SCUBE2: variants seen among roughly 807,000 people sequenced by gnomAD.
The protein encoded by SCUBE2 is signal peptide, CUB and EGF-like domain-containing protein 2.
In SCUBE2, 114 loss-of-function variants were observed where a neutral mutation model predicts 125.9. The observed-to-expected ratio is 0.91, with a 90% CI of 0.78 to 1.06. SCUBE2 has a LOEUF of 1.06. SCUBE2 is among the 50% of genes least tolerant of loss of function. The probability of loss-of-function intolerance (pLI) is 0.00; values close to 1 mark genes in which losing one functional copy is unlikely to be tolerated. For missense variants in SCUBE2, 1,255 were observed against 1,301.8 expected (o/e 0.96, Z 0.55); for synonymous variants, 459 against 492.9 (o/e 0.93, Z 0.91).
intron 9 of SCUBE2, among the ~76,000 whole-genome samples, chr11:9,058,760 G>A (rs1859371501): frequency 6.6e-6 from 1 of 151,998 alleles, no homozygotes; most frequent in South Asian, 2.1e-4. Context: ...CTGCACTCCA[G>A]CCTGGGCAAC....
chr11:9,053,792 C>A, intron 10 of SCUBE2, 33 bp from the exon 11 acceptor site: 1 of 1,600,880 alleles, frequency 6.2e-7, no homozygotes, highest in Non-Finnish European at 8.5e-7. Flanking sequence ...GTCATAGCAG[C>A]CTGTCACTGA....
intron 6 of SCUBE2, 76 bp from the exon 7 acceptor site, chr11:9,066,056 T>A: frequency 4.1e-6 from 4 of 986,004 alleles, no homozygotes; most frequent in Non-Finnish European, 6.3e-6. Flanking sequence ...CTGTGTTTGC[T>A]GAAATCCCAG....
chr11:9,031,709 C>T (rs1856320602), intron 17 of SCUBE2, among the ~76,000 whole-genome samples: 1 of 151,942 alleles, frequency 6.6e-6, no homozygotes, highest in Non-Finnish European at 1.5e-5. Context: ...ACATGTTATA[C>T]CTGGGACAAG....
At chr11:9,071,327 G>T (rs577552702) in intron 4 of SCUBE2, among the ~76,000 whole-genome samples, 1 of 152,094 alleles carries the variant, frequency 6.6e-6, no homozygotes, top group Non-Finnish European at 1.5e-5. Context: ...GAAATATTTC[G>T]TAAGAATGCC....
At position 9,052,824 on chromosome 11, in the gene SCUBE2, C is replaced by G. The variant is rs1858557127; in HGVS notation, c.1456G>C (p.Gly486Arg). The stretch of plus-strand genomic sequence containing the variant: ...GAGCCACAGGTGACAGAGTAGGCCC[C>G]TTGCAGTCCTGACAGACAGAATGTC... Reference protein sequence around the residue: ...SGIHLSSGLQGAYSVTCGSSS... With the variant: ...SGIHLSSGLQRAYSVTCGSSS... Residue 486 changes from glycine (G) to arginine (R), a missense_variant, in exon 13 of 23, where the codon GGG becomes CGG. This residue lies in a region of SCUBE2 where 378 missense variants were observed against 463.1 expected (regional missense o/e 0.82). Coordinates refer to ENST00000649792, the MANE Select transcript of SCUBE2 (RefSeq NM_001367977.2). The G allele has an allele frequency of 1.3e-6, 2 of 1,536,616 alleles. No individual in the cohort carries two copies.
intron 3 of SCUBE2, among the ~76,000 whole-genome samples, chr11:9,075,594 G>A (rs1308205142): frequency 6.6e-6 from 1 of 152,222 alleles, no homozygotes; most frequent in Admixed American, 6.5e-5. Context: ...GCAATGAAGT[G>A]CCTACTTAAT....
At position 9,020,789 on chromosome 11, in the gene SCUBE2, CT is replaced by C. The variant is rs1855236711; in HGVS notation, c.*255del. The C allele has an allele frequency of 3.2e-6, 1 of 316,478 alleles. No homozygotes were observed. The highest frequency in any genetic ancestry group is 4.9e-5 in the Admixed American group (1 of 20,328). The allele number at this position is 316,478 out of a possible 1,614,324, so 19.6% of individuals were successfully genotyped here. A position where few individuals can be genotyped will look rare whatever the true frequency, so the allele number is the denominator to read the frequency against. On this transcript the variant is annotated 3_prime_UTR_variant, in exon 23 of 23. Coordinates refer to ENST00000649792, the MANE Select transcript of SCUBE2 (RefSeq NM_001367977.2). ...AAGTCCAGCTCAGCCAGCCCGTGAT[CT>C]ATCCAAGACATCCGCCCACAGCAGT...
chr11:9,091,507 G>T lies in SCUBE2; in HGVS notation c.22C>A (p.Arg8Ser). Residue 8 changes from arginine to serine, a missense_variant, in exon 1 of 23, where the codon CGT becomes AGT. Coordinates refer to ENST00000649792, the MANE Select transcript of SCUBE2 (RefSeq NM_001367977.2). The surrounding 1 kb of genome is among the most constrained non-coding windows in gnomAD (Gnocchi z 8.5). MGVAGRN[R>S]PGAAWAVLLL... The stretch of plus-strand genomic sequence containing the variant: ...AGCACCGCCCAGGCCGCCCCGGGAC[G>T]GTTGCGGCCCGCGACCCCCATGGAT... The T allele has an allele frequency of 2.0e-6, 2 of 1,012,558 alleles. No individual in the cohort carries two copies. Among genetic ancestry groups the T allele is most frequent in the South Asian group, 3.6e-5 (1 of 27,416 alleles). 62.7% of individuals were successfully genotyped at this position (1,012,558 alleles called of 1,614,324 possible).
intron 13 of SCUBE2, among the ~76,000 whole-genome samples, chr11:9,050,943 C>A (rs1858303131): frequency 6.6e-6 from 1 of 152,102 alleles, no homozygotes; most frequent in African/African-American, 2.4e-5. Context: ...GAGGCAAATC[C>A]AGTGTTCAAA....
rs754677544 is a variant in SCUBE2 at position 9,074,489 on chromosome 11, C to T, written c.509G>A (p.Arg170His). 33 of 1,613,942 alleles carry T rather than the reference C, an allele frequency of 2.0e-5. No homozygotes were observed. Among genetic ancestry groups the T allele is most frequent in the Admixed American group, 8.3e-5 (5 of 59,992 alleles). The change falls in exon 4 of 23, where the codon CGC (arginine) becomes CAC (histidine). Residue 170 changes from arginine to histidine, a missense_variant. Arg to His is a conservative substitution (Grantham distance 29, BLOSUM62 0). This residue lies in a region of SCUBE2 where 362 missense variants were observed against 323.0 expected (regional missense o/e 1.12). Transcript: ENST00000649792. ...CAGCTGGGCAGAGGTACCTTCCGAG[C>T]GGTGAATGCAGGTGTGCTGATTGTC... ...LSDNQHTCIH[R>H]SEEGLSCMNK...
chr11:9,068,505 C>A (rs1293357301), intron 5 of SCUBE2, among the ~76,000 whole-genome samples: 1 of 152,156 alleles, frequency 6.6e-6, no homozygotes, highest in Non-Finnish European at 1.5e-5. Flanking sequence ...CCTGGGGAGA[C>A]AGACACATCA....
intron 18 of SCUBE2, 115 bp from the exon 19 acceptor site, chr11:9,030,160 G>A: frequency 8.3e-7 from 1 of 1,201,650 alleles, no homozygotes; most frequent in Admixed American, 2.4e-5. Context: ...ATGAAGTAGG[G>A]CTTTCCTACC....
At chr11:9,042,895 T>G (rs1453820563) in intron 16 of SCUBE2, among the ~76,000 whole-genome samples, 3 of 152,204 alleles carry the variant, frequency 2.0e-5, no homozygotes, top group African/African-American at 7.2e-5. Flanking sequence ...AGGACCTGCA[T>G]GTTCTCAGTA....
intron 2 of SCUBE2, among the ~76,000 whole-genome samples, chr11:9,088,062 G>A (rs1161544462): frequency 6.6e-6 from 1 of 152,236 alleles, no homozygotes; most frequent in African/African-American, 2.4e-5. Context: ...AGGCACTGCT[G>A]AGCATTATAT....
intron 7 of SCUBE2, among the ~76,000 whole-genome samples, chr11:9,062,630 T>A (rs974791347): frequency 6.6e-6 from 1 of 152,060 alleles, no homozygotes; most frequent in Non-Finnish European, 1.5e-5. Context: ...GGAGTTAAAA[T>A]CTCGTAATTA....
chr11:9,083,979 T>G (rs547624567), intron 2 of SCUBE2, among the ~76,000 whole-genome samples: 1 of 152,312 alleles, frequency 6.6e-6, no homozygotes, highest in Admixed American at 6.5e-5. Flanking sequence ...GTACATGTAT[T>G]TCCCAGGTAG....
At chr11:9,053,605 G>A in intron 11 of SCUBE2, 32 bp downstream of exon 11, 2 of 1,609,754 alleles carry the variant, frequency 1.2e-6, no homozygotes, top group African/African-American at 1.3e-5. Flanking sequence ...TGGCCAGCCT[G>A]CTGTCTGAGT....
chr11:9,052,903 T>C, intron 12 of SCUBE2, 71 bp from the exon 13 acceptor site: 1 of 1,255,974 alleles, frequency 8.0e-7, no homozygotes, highest in Non-Finnish European at 1.1e-6. Context: ...AGCTAAACTG[T>C]CCCCCCACCC....
At chr11:9,039,677 T>C (rs1431673044) in intron 16 of SCUBE2, among the ~76,000 whole-genome samples, 2 of 152,002 alleles carry the variant, frequency 1.3e-5, no homozygotes, top group Non-Finnish European at 2.9e-5. Flanking sequence ...CAAACGAAGC[T>C]CCTCTGGTTT....
Sources: allele counts gnomAD v4.1 joint callset (sites outside exome capture counted in the v4.1 genomes callset), GRCh38; gene constraint gnomAD v4.1.1; regional missense constraint gnomAD v4.1.1; non-coding constraint Gnocchi (gnomAD v3.1); transcripts MANE v1.5; gene names NCBI Gene and HGNC (gene_info 2026-07-23, HGNC 2026-07-21).